WASHC2A: variants seen among roughly 807,000 people sequenced by gnomAD.
The protein encoded by WASHC2A is WASH complex subunit 2A.
WASHC2A carries 82 observed loss-of-function variants against 140.3 expected under a neutral mutation model. The observed-to-expected ratio is 0.58, with a 90% CI of 0.49 to 0.70. The LOEUF (loss-of-function observed/expected upper bound fraction) is 0.70, where lower values mean the gene tolerates loss of function less well. Among genes scored for constraint, WASHC2A ranks in the 30% least tolerant of loss-of-function variants. The probability of loss-of-function intolerance (pLI) is 0.00; values close to 1 mark genes in which losing one functional copy is unlikely to be tolerated. For missense variants in WASHC2A, 985 were observed against 1,521.8 expected (o/e 0.65, Z 5.87); for synonymous variants, 340 against 560.8 (o/e 0.61, Z 5.56).
At chr10:50,091,695 GAT>G (rs1175607167) in intron 10 of WASHC2A, among the ~76,000 whole-genome samples, 177 bp downstream of exon 10, 1 of 152,128 alleles carries the variant, frequency 6.6e-6, no homozygotes, top group Non-Finnish European at 1.5e-5. Context: ...AGCTCCTTTA[GAT>G]AACTGAACAC....
chr10:50,103,190 C>A (rs1413602379), intron 17 of WASHC2A, among the ~76,000 whole-genome samples: 2 of 151,870 alleles, frequency 1.3e-5, no homozygotes, highest in Non-Finnish European at 2.9e-5. Context: ...TCCTGGTTTG[C>A]AATGTCATAT....
At chr10:50,094,867 C>T (rs1840313860) in intron 13 of WASHC2A, among the ~76,000 whole-genome samples, 1 of 150,886 alleles carries the variant, frequency 6.6e-6, no homozygotes, top group Admixed American at 6.7e-5. Flanking sequence ...GTGCTCACCT[C>T]CTCCCTTGGT....
chr10:50,128,227 A>G (rs1365851559), intron 28 of WASHC2A, among the ~76,000 whole-genome samples: 2 of 151,354 alleles, frequency 1.3e-5, no homozygotes. Context: ...CTCACTAGTC[A>G]CTTCACACTT....
intron 17 of WASHC2A, among the ~76,000 whole-genome samples, chr10:50,100,966 C>T (rs1348079801): frequency 6.6e-6 from 1 of 152,312 alleles, no homozygotes; most frequent in African/African-American, 2.4e-5. Context: ...AAGTAATAAG[C>T]CCCTTTTACA....
intron 2 of WASHC2A, among the ~76,000 whole-genome samples, chr10:50,068,859 C>G (rs1837535913): frequency 6.9e-6 from 1 of 145,736 alleles, no homozygotes; most frequent in East Asian, 1.9e-4. Flanking sequence ...CTATAGGCGT[C>G]CACCACACCT....
Position 50,093,928 on chromosome 10 carries a change from G to T in WASHC2A, c.1180+11G>T, listed in dbSNP as rs1319946957. 4.4e-6 allele frequency: 7 copies of T among 1,574,552 alleles called. No homozygotes were observed. Among genetic ancestry groups the T allele is most frequent in the East Asian group, 2.2e-5 (1 of 44,788 alleles). ...CCTCTGTTAAGGAGGGTAAGCTGGG[G>T]CTGGGCAGCTGCGTCTCCGTGTGCA... On this transcript the variant is annotated intron_variant, in intron 13 of 30. Coordinates refer to ENST00000282633, the MANE Select transcript of WASHC2A (RefSeq NM_001005751.3).
intron 23 of WASHC2A, among the ~76,000 whole-genome samples, chr10:50,121,626 T>G (rs2133023067): frequency 6.7e-6 from 1 of 150,216 alleles, no homozygotes; most frequent in Non-Finnish European, 1.5e-5. Context: ...ACTCTTGACC[T>G]CAGGTGATCC....
chr10:50,132,189 A>C (rs1844033142), intron 30 of WASHC2A, among the ~76,000 whole-genome samples: 1 of 152,222 alleles, frequency 6.6e-6, no homozygotes. Context: ...CTTTATTACA[A>C]ATAATGCTGT....
At chr10:50,072,018 C>T (rs531288403) in intron 3 of WASHC2A, among the ~76,000 whole-genome samples, 35 of 133,766 alleles carry the variant, frequency 2.6e-4, no homozygotes, top group African/African-American at 9.4e-4. Context: ...AAGCAATTCT[C>T]CTGCCCACAC....
chr10:50,128,815 A>G (rs1169114569), intron 28 of WASHC2A, among the ~76,000 whole-genome samples: 1 of 151,372 alleles, frequency 6.6e-6, no homozygotes, highest in Non-Finnish European at 1.5e-5. Context: ...CATTGCTACT[A>G]AGTGATTCAT....
In WASHC2A at chr10:50,078,730, C is replaced by A; in HGVS notation, c.347C>A (p.Thr116Lys). 6.2e-7 allele frequency: 1 copy of A among 1,611,842 alleles called. No individual in the cohort carries two copies. The highest frequency in any genetic ancestry group is 8.5e-7 in the Non-Finnish European group (1 of 1,179,852). ...GTACTCAAGGCTGAGGCAGAAAAAA[C>A]AGAGCAGGTACTTGTATAAAATCAC... ...EPVLKAEAEK[T>K]EQEKTREQKE... Residue 116 changes from threonine to lysine, a missense_variant, in exon 4 of 31, where the codon ACA (threonine) becomes AAA (lysine). Thr to Lys is a moderately conservative substitution (Grantham distance 78, BLOSUM62 -1). Transcript: ENST00000282633.
intron 3 of WASHC2A, among the ~76,000 whole-genome samples, chr10:50,074,479 A>G (rs1486760443): frequency 4.6e-5 from 7 of 151,508 alleles, no homozygotes; most frequent in South Asian, 4.2e-4. Context: ...AAAATTACCA[A>G]AGTAATCCCT....
rs1176313072 is a variant in WASHC2A, at chr10:50,086,994, A to G, written c.685-281A>G. Among the ~76,000 whole-genome samples the G allele has an allele frequency of 3.6e-3, 500 of 138,656 alleles. 7 individuals are homozygous for G. The highest frequency in any genetic ancestry group is 0.013 in the African/African-American group (470 of 36,382). The allele number at this position is 138,656 out of a possible 152,430, so 91.0% of individuals were successfully genotyped here. The stretch of plus-strand genomic sequence containing the variant: ...GCAACTCTTTAAATCCAAAGGCAAG[A>G]GTTGAAAGTGCAGGTGATGTGAACA... On this transcript the variant is annotated intron_variant, in intron 7 of 30. Coordinates refer to ENST00000282633, the MANE Select transcript of WASHC2A (RefSeq NM_001005751.3).
chr10:50,110,614 C>G (rs1181533239), intron 20 of WASHC2A, among the ~76,000 whole-genome samples: 2 of 151,980 alleles, frequency 1.3e-5, no homozygotes, highest in African/African-American at 4.8e-5. Context: ...TACTTTAGGC[C>G]AGGCACGTTG....
At chr10:50,109,725 A>C (rs1211040929) in intron 19 of WASHC2A, among the ~76,000 whole-genome samples, 1 of 152,176 alleles carries the variant, frequency 6.6e-6, no homozygotes, top group Non-Finnish European at 1.5e-5. Context: ...AACAAATATA[A>C]GTTTGATTTT....
chr10:50,124,588 A>C (rs1290837001), intron 23 of WASHC2A, among the ~76,000 whole-genome samples: 1 of 152,242 alleles, frequency 6.6e-6, no homozygotes, highest in Non-Finnish European at 1.5e-5. Flanking sequence ...GGACAGCCAT[A>C]GGAAGGCTTG....
At chr10:50,126,331 A>G in intron 26 of WASHC2A, 152 bp downstream of exon 26, 6 of 1,401,802 alleles carry the variant, frequency 4.3e-6, no homozygotes, top group Admixed American at 2.0e-5. Flanking sequence ...ACTCCCCCCA[A>G]GTCATCTCCC....
At chr10:50,109,615 C>G (rs1345504607) in intron 19 of WASHC2A, among the ~76,000 whole-genome samples, 17 of 152,032 alleles carry the variant, frequency 1.1e-4, no homozygotes, top group African/African-American at 4.1e-4. Context: ...GTCAGAGAGC[C>G]CAGCTGTCTA....
In WASHC2A at chr10:50,129,629, G is replaced by A. The variant is rs1358423847; in HGVS notation, c.3298G>A (p.Ala1100Thr). The change falls in exon 29 of 31, where the codon GCT (alanine) becomes ACT (threonine). Residue 1100 changes from alanine (A) to threonine (T), a missense_variant. Ala to Thr is a moderately conservative substitution (Grantham distance 58, BLOSUM62 0). Coordinates refer to ENST00000282633, the MANE Select transcript of WASHC2A (RefSeq NM_001005751.3). ...CACTGAGGAGGCCCTGGCAGCTGCC[G>A]CTGCACCTTGGGAAGGTGGTCCTGT... ...DSTEEALAAAAAPWEGGPVPG... is the reference protein window; with the variant it reads ...DSTEEALAAATAPWEGGPVPG... The A allele has an allele frequency of 1.4e-5, 22 of 1,611,956 alleles. No homozygotes were observed. Among genetic ancestry groups the A allele is most frequent in the South Asian group, 1.2e-4 (11 of 91,000 alleles).
Sources: allele counts gnomAD v4.1 joint callset (sites outside exome capture counted in the v4.1 genomes callset), GRCh38; gene constraint gnomAD v4.1.1; transcripts MANE v1.5; gene names NCBI Gene and HGNC (gene_info 2026-07-23, HGNC 2026-07-21).